Variants in LDLRAD4 observed in about 807,000 individuals in gnomAD.
LDLRAD4 encodes the protein low density lipoprotein receptor class A domain containing 4, also known as low-density lipoprotein receptor class A domain-containing protein 4.
Under a neutral mutation model 17.0 loss-of-function variants are expected in LDLRAD4, and 5 were observed. The ratio of observed to expected loss-of-function variants is 0.29; its 90% CI spans 0.15 to 0.62. The LOEUF (loss-of-function observed/expected upper bound fraction) is 0.62. Ranked by LOEUF, LDLRAD4 falls within the 20% of genes least tolerant of loss-of-function variation. LDLRAD4 has a pLI of 0.84. For synonymous variants in LDLRAD4, 168 were observed against 171.8 expected (o/e 0.98, Z 0.17); for missense variants, 340 against 424.7 (o/e 0.80, Z 1.75).
chr18:13,301,812 C>G (rs916245643), intron 1 of LDLRAD4, among the ~76,000 whole-genome samples: 1 of 152,186 alleles, frequency 6.6e-6, no homozygotes, highest in Non-Finnish European at 1.5e-5. Flanking sequence ...CGTCCTCTGT[C>G]CCCTTCCTTT....
At chr18:13,273,743 C>A (rs111805309), upstream of LDLRAD4, among the ~76,000 whole-genome samples, 66 of 152,334 alleles carry the variant, frequency 4.3e-4, no homozygotes, top group African/African-American at 1.6e-3. Context: ...AGAGTGAGAA[C>A]ACCGTAAAGA....
At chr18:13,441,873 C>T (rs1448881875) in intron 3 of LDLRAD4, among the ~76,000 whole-genome samples, 4 of 152,204 alleles carry the variant, frequency 2.6e-5, no homozygotes, top group Admixed American at 1.3e-4. Flanking sequence ...ATGGTTGGAC[C>T]GAGGCTGCTT....
At chr18:13,432,913 C>T (rs2090435306) in intron 2 of LDLRAD4, among the ~76,000 whole-genome samples, 1 of 152,160 alleles carries the variant, frequency 6.6e-6, no homozygotes, top group Non-Finnish European at 1.5e-5. Context: ...GATGGGGTCT[C>T]ACCATGTTGA....
chr18:13,430,595 G>C (rs996497076), intron 2 of LDLRAD4, among the ~76,000 whole-genome samples: 1 of 152,130 alleles, frequency 6.6e-6, no homozygotes, highest in Admixed American at 6.5e-5. Context: ...TCTTGATCAG[G>C]GTGCTGGTTA....
At chr18:13,381,027 T>G (rs1464839597) in intron 1 of LDLRAD4, among the ~76,000 whole-genome samples, 6 of 152,118 alleles carry the variant, frequency 3.9e-5, no homozygotes, top group Non-Finnish European at 8.8e-5. Context: ...CATTTCCATG[T>G]GGATTTTCTG....
chr18:13,357,798 A>G (rs931131494), intron 1 of LDLRAD4, among the ~76,000 whole-genome samples: 1 of 152,170 alleles, frequency 6.6e-6, no homozygotes, highest in Non-Finnish European at 1.5e-5. Flanking sequence ...TTGGTTACCC[A>G]TGGTATATGG....
chr18:13,475,176 A>G (rs1005251073), intron 3 of LDLRAD4, among the ~76,000 whole-genome samples: 1 of 152,206 alleles, frequency 6.6e-6, no homozygotes, highest in African/African-American at 2.4e-5. Flanking sequence ...CACTTTCCTC[A>G]CTAGATCTTT....
chr18:13,286,141 C>G (rs2045610195), intron 1 of LDLRAD4, among the ~76,000 whole-genome samples: 1 of 152,226 alleles, frequency 6.6e-6, no homozygotes, highest in Admixed American at 6.5e-5. Flanking sequence ...CTTTCTGTCT[C>G]TATGATTTTG....
chr18:13,230,336 G>A (rs942681529), intron 1 of LDLRAD4, among the ~76,000 whole-genome samples: 28 of 152,132 alleles, frequency 1.8e-4, no homozygotes, highest in African/African-American at 5.6e-4. Flanking sequence ...CATAGACCTC[G>A]GGCTGAGACT....
intron 1 of LDLRAD4, among the ~76,000 whole-genome samples, chr18:13,337,092 C>G (rs983111845): frequency 2.6e-5 from 4 of 152,198 alleles, no homozygotes; most frequent in Non-Finnish European, 5.9e-5. Flanking sequence ...CAGAGCCTCT[C>G]TCCATCTCTG....
intron 1 of LDLRAD4, among the ~76,000 whole-genome samples, chr18:13,225,482 G>C (rs556258739): frequency 6.6e-6 from 1 of 152,344 alleles, no homozygotes; most frequent in South Asian, 2.1e-4. Flanking sequence ...GGCTGATTAA[G>C]TTACGGTTGA....
At chr18:13,515,148 G>C (rs907649014) in intron 3 of LDLRAD4, 2 of 152,210 alleles carry the variant, frequency 1.3e-5, no homozygotes, top group Non-Finnish European at 2.9e-5. Flanking sequence ...ATATGGTCTC[G>C]ATAGGCTTGG....
chr18:13,347,368 A>T (rs1356230629), intron 1 of LDLRAD4, among the ~76,000 whole-genome samples: 1 of 152,164 alleles, frequency 6.6e-6, no homozygotes, highest in African/African-American at 2.4e-5. Context: ...TGGGTTGAAA[A>T]TTCTTTTCTT....
chr18:13,548,240 C>T (rs531989679), intron 3 of LDLRAD4, among the ~76,000 whole-genome samples: 1 of 152,176 alleles, frequency 6.6e-6, no homozygotes, highest in East Asian at 1.9e-4. Flanking sequence ...CAGCCATTGG[C>T]AGGCCTGGAA....
At chr18:13,612,636 G>C in intron 3 of LDLRAD4, 1 of 1,610,674 alleles carries the variant, frequency 6.2e-7, no homozygotes, top group South Asian at 1.1e-5. Flanking sequence ...ATTGCCGGAA[G>C]CTGAAGGGAT....
At chr18:13,231,449 G>A (rs528032570) in intron 1 of LDLRAD4, among the ~76,000 whole-genome samples, 5 of 152,176 alleles carry the variant, frequency 3.3e-5, no homozygotes, top group African/African-American at 1.2e-4. Context: ...GTCTGGTTCT[G>A]GTGTGGAGCG....
chr18:13,422,016 T>TC (rs1216031359), intron 2 of LDLRAD4, among the ~76,000 whole-genome samples: 1 of 152,178 alleles, frequency 6.6e-6, no homozygotes, highest in Admixed American at 6.5e-5. Flanking sequence ...GTTACGGAAC[T>TC]CCCCCGGGGA....
intron 3 of LDLRAD4, among the ~76,000 whole-genome samples, chr18:13,546,517 C>T (rs1212107825): frequency 2.0e-5 from 3 of 152,018 alleles, no homozygotes; most frequent in African/African-American, 7.3e-5. Context: ...TACAGGTGTG[C>T]ACCACCATGC....
chr18:13,533,053 A>G (rs1465535692), intron 3 of LDLRAD4, among the ~76,000 whole-genome samples: 1 of 152,204 alleles, frequency 6.6e-6, no homozygotes, highest in African/African-American at 2.4e-5. Flanking sequence ...CAGTTAATTT[A>G]CCCATTGTTT....
Sources: allele counts gnomAD v4.1 joint callset (sites outside exome capture counted in the v4.1 genomes callset), GRCh38; gene constraint gnomAD v4.1.1; transcripts MANE v1.5; gene names NCBI Gene and HGNC (gene_info 2026-07-23, HGNC 2026-07-21).